Variants in NEK11 observed in about 807,000 individuals in gnomAD.
NEK11 encodes serine/threonine-protein kinase Nek11.
NEK11 carries 72 observed loss-of-function variants against 80.7 expected under a neutral mutation model. That is an observed-to-expected ratio of 0.89 (90% CI 0.74 to 1.08). NEK11 has a LOEUF of 1.08. Among genes scored for constraint, NEK11 ranks in the 50% least tolerant of loss-of-function variants. The pLI, the probability that NEK11 is intolerant of heterozygous loss-of-function variation, is 0.00. For missense variants in NEK11, 764 were observed against 763.6 expected, an observed-to-expected ratio of 1.00 and a Z score of -0.01; for synonymous variants, 251 against 260.7, an observed-to-expected ratio of 0.96 and a Z score of 0.36.
At position 131,208,886 on chromosome 3, in the gene NEK11, A is replaced by C. The variant is rs185034252; in HGVS notation, c.1400-19642A>C. Among the ~76,000 whole-genome samples, 129 of 152,310 alleles carry C rather than the reference A, an allele frequency of 8.5e-4. 1 individual carries two copies. The highest frequency in any genetic ancestry group is 6.8e-3 in the Middle Eastern group (2 of 294). On this transcript the variant is annotated intron_variant, in intron 14 of 17. Transcript: ENST00000383366. ...TGGGCTGAGACGATGGGGTTTTCTA[A>C]GTATACAATCATGTCGTCTGCAAAC...
At chr3:131,337,533 T>C (rs1477387462) in intron 17 of NEK11, among the ~76,000 whole-genome samples, 1 of 151,794 alleles carries the variant, frequency 6.6e-6, no homozygotes, top group East Asian at 1.9e-4. Flanking sequence ...AGTTAATGGG[T>C]GCAGCACACC....
At chr3:131,047,892 T>C (rs1326218827) in intron 3 of NEK11, among the ~76,000 whole-genome samples, 1 of 152,032 alleles carries the variant, frequency 6.6e-6, no homozygotes, top group African/African-American at 2.4e-5. Context: ...AGAAAGACCA[T>C]TAGGTTGGGG....
At chr3:131,145,260 C>T (rs1339364633) in intron 7 of NEK11, among the ~76,000 whole-genome samples, 2 of 152,144 alleles carry the variant, frequency 1.3e-5, no homozygotes, top group Admixed American at 1.3e-4. Context: ...CCACCATAGC[C>T]TCCCAAGTCA....
chr3:131,165,392 C>A, intron 11 of NEK11, 34 bp from the exon 12 acceptor site: 2 of 1,293,172 alleles, frequency 1.5e-6, no homozygotes, highest in Non-Finnish European at 2.2e-6. Context: ...TAGCAATTCG[C>A]AGTTATTTTT....
intron 14 of NEK11, among the ~76,000 whole-genome samples, chr3:131,209,977 A>G (rs756537619): frequency 3.3e-5 from 5 of 152,024 alleles, no homozygotes; most frequent in Non-Finnish European, 7.4e-5. Context: ...TTGTGTCTCT[A>G]GCTCCTTCAG....
At chr3:131,249,147 G>A (rs2095656237) in intron 16 of NEK11, among the ~76,000 whole-genome samples, 1 of 151,976 alleles carries the variant, frequency 6.6e-6, no homozygotes, top group Non-Finnish European at 1.5e-5. Flanking sequence ...GAACATAAGA[G>A]GAGATGGAAG....
intron 3 of NEK11, among the ~76,000 whole-genome samples, chr3:131,077,939 T>C (rs1343701874): frequency 6.6e-6 from 1 of 152,198 alleles, no homozygotes; most frequent in South Asian, 2.1e-4. Flanking sequence ...TCTTATTAAA[T>C]AGGAGCCTAA....
intron 14 of NEK11, among the ~76,000 whole-genome samples, chr3:131,176,379 A>G (rs2093016620): frequency 1.3e-5 from 2 of 152,210 alleles, no homozygotes; most frequent in African/African-American, 4.8e-5. Context: ...ATTTATAAAG[A>G]TAAATTGATG....
At chr3:131,263,588 C>T (rs1300686824) in intron 16 of NEK11, among the ~76,000 whole-genome samples, 8 of 152,116 alleles carry the variant, frequency 5.3e-5, no homozygotes, top group Non-Finnish European at 1.2e-4. Flanking sequence ...CAATAGTTGG[C>T]CACATTTTCT....
chr3:131,054,554 A>C (rs2069006708), intron 3 of NEK11: 1 of 152,042 alleles, frequency 6.6e-6, no homozygotes, highest in Non-Finnish European at 1.5e-5. Flanking sequence ...CAGGAGGTGG[A>C]GAGCAGCCTG....
At chr3:131,049,898 T>C (rs2068065791) in intron 3 of NEK11, among the ~76,000 whole-genome samples, 1 of 152,126 alleles carries the variant, frequency 6.6e-6, no homozygotes, top group Non-Finnish European at 1.5e-5. Flanking sequence ...AAGTTGTTGC[T>C]TGTGACAACA....
At chr3:131,102,060 T>A (rs531974370) in intron 4 of NEK11, among the ~76,000 whole-genome samples, 1 of 152,314 alleles carries the variant, frequency 6.6e-6, no homozygotes, top group South Asian at 2.1e-4. Flanking sequence ...TTTTTGTTTT[T>A]TTGTTTGGAT....
chr3:131,290,050 G>C (rs997385063), intron 17 of NEK11, among the ~76,000 whole-genome samples: 1 of 152,298 alleles, frequency 6.6e-6, no homozygotes, highest in Admixed American at 6.5e-5. Context: ...TTTTCCAGGA[G>C]GTCTGAAGAA....
rs947386359 is a variant in NEK11 at position 131,076,396 on chromosome 3, T to A, written c.171-4027T>A. Among the ~76,000 whole-genome samples, 9 of 152,234 alleles carry A rather than the reference T, an allele frequency of 5.9e-5. No individual in the cohort carries two copies. In the South Asian group the frequency reaches 1.9e-3, roughly 31 times the overall value. On this transcript the variant is annotated intron_variant, in intron 3 of 17. Transcript: ENST00000383366. ...TGGATTGTGGGTAATATTTTCCTTA[T>A]GTTGTGTTTTTAAATTTTTCTATAA... is the stretch of plus-strand genomic sequence containing the variant.
chr3:131,318,737 G>A (rs2096868534), intron 17 of NEK11, among the ~76,000 whole-genome samples: 1 of 117,906 alleles, frequency 8.5e-6, no homozygotes, highest in Non-Finnish European at 1.9e-5. Context: ...GTGTGTACAT[G>A]TGTATATATA....
At chr3:131,257,131 A>G (rs1233935253) in intron 16 of NEK11, among the ~76,000 whole-genome samples, 4 of 149,562 alleles carry the variant, frequency 2.7e-5, no homozygotes, top group Non-Finnish European at 4.4e-5. Flanking sequence ...GACTACAGGC[A>G]TGTGCCACTA....
intron 3 of NEK11, among the ~76,000 whole-genome samples, chr3:131,057,258 G>A (rs1214508904): frequency 1.3e-5 from 2 of 151,898 alleles, no homozygotes; most frequent in African/African-American, 2.4e-5. Flanking sequence ...TGGTGTATAT[G>A]TGCCACATTT....
At chr3:131,058,866 G>T (rs13072916) in intron 3 of NEK11, among the ~76,000 whole-genome samples, 2 of 151,966 alleles carry the variant, frequency 1.3e-5, no homozygotes, top group Non-Finnish European at 2.9e-5. Flanking sequence ...AGAGGCAACT[G>T]GCCCAAATGG....
chr3:131,288,269 T>G (rs960837771), intron 17 of NEK11, among the ~76,000 whole-genome samples: 1 of 152,120 alleles, frequency 6.6e-6, no homozygotes, highest in Non-Finnish European at 1.5e-5. Context: ...CATTGCAATG[T>G]TCTCTTTCTC....
Sources: gnomAD v4.1 joint callset for allele counts (sites outside exome capture counted in the v4.1 genomes callset) on GRCh38, gnomAD v4.1.1 for gene constraint, MANE v1.5 for transcripts, NCBI Gene and HGNC (gene_info 2026-07-23, HGNC 2026-07-21) for gene names.